The following C12orf54 variants were observed in gnomAD, a reference collection of about 807,000 sequenced individuals.
C12orf54 encodes the protein uncharacterized protein C12orf54.
Under a neutral mutation model 26.4 loss-of-function variants are expected in C12orf54, and 24 were observed. The observed-to-expected ratio is 0.91, with a 90% CI of 0.66 to 1.28. C12orf54 has a LOEUF of 1.28. C12orf54 is among the 50% of genes most tolerant of loss of function. C12orf54 has a pLI of 0.00. For synonymous variants in C12orf54, 54 were observed against 47.0 expected, an observed-to-expected ratio of 1.15 and a Z score of -0.61; for missense variants, 154 against 150.9, an observed-to-expected ratio of 1.02 and a Z score of -0.11.
chr12:48,448,996 G>A, the C12orf54 span, among the ~76,000 whole-genome samples: 1 of 152,190 alleles, frequency 6.6e-6, no homozygotes, highest in Non-Finnish European at 1.5e-5. Context: ...GCAGCTATGG[G>A]CTGTAGCTTC....
At chr12:48,488,888 C>T in intron 4 of C12orf54, 36 bp from the exon 5 acceptor site, 1 of 1,531,350 alleles carries the variant, frequency 6.5e-7, no homozygotes, top group Non-Finnish European at 9.0e-7. Context: ...TGATCATCTA[C>T]AATATTATTT....
chr12:48,429,769 C>T, the C12orf54 span, among the ~76,000 whole-genome samples: 2 of 151,976 alleles, frequency 1.3e-5, no homozygotes, highest in African/African-American at 2.4e-5. Flanking sequence ...CAGCACAATC[C>T]CCATCAAAAT....
chr12:48,428,252 AC>A, the C12orf54 span, among the ~76,000 whole-genome samples: 4 of 151,996 alleles, frequency 2.6e-5, no homozygotes, highest in Non-Finnish European at 5.9e-5. Context: ...CTAAGGTCAC[AC>A]CTCAAGGAAC....
the C12orf54 span, chr12:48,473,210 T>C: frequency 7.8e-7 from 1 of 1,276,120 alleles, no homozygotes; most frequent in East Asian, 2.4e-5. Context: ...ATGATGAAGA[T>C]GCTCAGGTAA....
rs1937856980 is a variant in C12orf54, at chr12:48,494,086, G to GTT, written c.243-712_243-711insTT. ...ATACAAAAATTAGCTGGGCGTGGTG[G>GTT]CAGGTGCCTGTAACCCCAGCTACTC... On this transcript the variant is annotated intron_variant, in intron 7 of 8. Coordinates refer to ENST00000548364, the MANE Select transcript of C12orf54 (RefSeq NM_152319.4). Among the ~76,000 whole-genome samples the GTT allele has an allele frequency of 4.4e-5, 5 of 113,320 alleles. 2 individuals carry two copies. Among genetic ancestry groups the GTT allele is most frequent in the East Asian group, 9.2e-4 (2 of 2,174 alleles). The allele number at this position is 113,320 out of a possible 152,430, so 74.3% of individuals were successfully genotyped here. A position where few individuals can be genotyped will look rare whatever the true frequency, so the allele number is the denominator to read the frequency against.
the C12orf54 span, among the ~76,000 whole-genome samples, chr12:48,425,963 C>T: frequency 3.7e-4 from 46 of 124,362 alleles, no homozygotes; most frequent in African/African-American, 1.1e-3. Context: ...TGTTTAAGTT[C>T]CTTATAGATG....
chr12:48,449,711 T>C, the C12orf54 span, among the ~76,000 whole-genome samples: 3 of 152,168 alleles, frequency 2.0e-5, no homozygotes, highest in Non-Finnish European at 2.9e-5. Context: ...AACCTGATAT[T>C]TTTTCACATA....
At chr12:48,429,524 G>C in the C12orf54 span, among the ~76,000 whole-genome samples, 1 of 151,258 alleles carries the variant, frequency 6.6e-6, no homozygotes, top group African/African-American at 2.4e-5. Flanking sequence ...TACACCAACA[G>C]CAACCAAGCA....
intron 1 of C12orf54, 53 bp from the exon 2 acceptor site, chr12:48,483,187 T>G (rs928976008): frequency 4.4e-5 from 40 of 907,960 alleles, no homozygotes; most frequent in Non-Finnish European, 6.6e-5. Flanking sequence ...AATAAGCGCT[T>G]TTCTTCTCAC....
At chr12:48,490,734 A>G in intron 5 of C12orf54, 78 bp from the exon 6 acceptor site, 1 of 1,527,452 alleles carries the variant, frequency 6.5e-7, no homozygotes, top group Non-Finnish European at 9.0e-7. Context: ...GCATTTGACC[A>G]AGTCTATAGC....
chr12:48,442,602 T>C, the C12orf54 span: 2 of 163,692 alleles, frequency 1.2e-5, no homozygotes, highest in Admixed American at 6.5e-5. Context: ...TCATAGGCCA[T>C]CACAGCAAGC....
At chr12:48,455,620 T>C in the C12orf54 span, among the ~76,000 whole-genome samples, 2 of 152,136 alleles carry the variant, frequency 1.3e-5, no homozygotes, top group African/African-American at 4.8e-5. Context: ...AAGAAAAGAT[T>C]TAAATAACAA....
the C12orf54 span, among the ~76,000 whole-genome samples, chr12:48,424,203 T>C: frequency 1.8e-4 from 28 of 152,236 alleles, no homozygotes; most frequent in African/African-American, 6.7e-4. Flanking sequence ...AATCCCATCT[T>C]GTCGTGAAAT....
chr12:48,414,546 T>C, the C12orf54 span, among the ~76,000 whole-genome samples: 4 of 152,228 alleles, frequency 2.6e-5, no homozygotes, highest in Non-Finnish European at 5.9e-5. Context: ...TCATTACTCC[T>C]TTACCATTAC....
the C12orf54 span, among the ~76,000 whole-genome samples, chr12:48,436,824 G>C: frequency 1.3e-5 from 2 of 151,980 alleles, no homozygotes; most frequent in South Asian, 2.1e-4. Flanking sequence ...AAATTGACAT[G>C]CTAATATCAC....
At chr12:48,486,809 T>A in intron 4 of C12orf54, 83 bp downstream of exon 4, 1 of 1,388,214 alleles carries the variant, frequency 7.2e-7, no homozygotes, top group Non-Finnish European at 1.0e-6. Flanking sequence ...CATTTCTTTC[T>A]CTTTCCTTGA....
upstream of C12orf54, among the ~76,000 whole-genome samples, chr12:48,480,004 T>A (rs560490547): frequency 2.0e-5 from 3 of 151,584 alleles, no homozygotes; most frequent in East Asian, 3.9e-4. Context: ...TTTTCTTATT[T>A]TATATATATA....
the C12orf54 span, among the ~76,000 whole-genome samples, chr12:48,456,271 A>T: frequency 6.6e-6 from 1 of 152,226 alleles, no homozygotes; most frequent in East Asian, 1.9e-4. Flanking sequence ...GAATAAAGTT[A>T]TACTGACAGC....
At chr12:48,466,948 A>G in the C12orf54 span, among the ~76,000 whole-genome samples, 15 of 152,182 alleles carry the variant, frequency 9.9e-5, no homozygotes, top group African/African-American at 3.4e-4. Context: ...TCAACAGGTA[A>G]ATGGAAAAAC....
Sources: allele counts gnomAD v4.1 joint callset (sites outside exome capture counted in the v4.1 genomes callset), GRCh38; gene constraint gnomAD v4.1.1; transcripts MANE v1.5; gene names NCBI Gene and HGNC (gene_info 2026-07-23, HGNC 2026-07-21).